CHODL: variants seen among roughly 807,000 people sequenced by gnomAD.
CHODL encodes the protein transmembrane protein MT75.
A neutral mutation model predicts 34.5 loss-of-function variants in CHODL; 29 were observed. That is an observed-to-expected ratio of 0.84 (90% CI 0.63 to 1.15). CHODL has a LOEUF of 1.15. Among genes scored for constraint, CHODL ranks in the 50% most tolerant of loss-of-function variants. CHODL has a pLI of 0.00. For synonymous variants in CHODL, 125 were observed against 116.1 expected, an observed-to-expected ratio of 1.08 and a Z score of -0.49; for missense variants, 332 against 332.5, an observed-to-expected ratio of 1.00 and a Z score of 0.01.
intron 2 of CHODL, among the ~76,000 whole-genome samples, chr21:18,183,923 T>C (rs1354226957): frequency 6.6e-6 from 1 of 152,184 alleles, no homozygotes; most frequent in East Asian, 1.9e-4. Flanking sequence ...GTCTGATTGT[T>C]TTTTAGCCTG....
At chr21:18,038,043 AT>A (rs150132427) in intron 2 of CHODL, among the ~76,000 whole-genome samples, 17 of 151,544 alleles carry the variant, frequency 1.1e-4, no homozygotes, top group African/African-American at 1.9e-4. Context: ...CAGCTTTACA[AT>A]TTTTTTTAAT....
At chr21:18,110,577 C>CA (rs1291575357) in intron 2 of CHODL, among the ~76,000 whole-genome samples, 1 of 62,456 alleles carries the variant, frequency 1.6e-5, no homozygotes. Flanking sequence ...CCTGCCAACA[C>CA]CTACAGCTGA....
At chr21:18,021,225 G>C (rs1213720805) in intron 1 of CHODL, among the ~76,000 whole-genome samples, 1 of 152,172 alleles carries the variant, frequency 6.6e-6, no homozygotes, top group Non-Finnish European at 1.5e-5. Flanking sequence ...TCAGCCACAG[G>C]AGGAAGTTCC....
At chr21:18,237,892 A>G (rs575296530) in intron 2 of CHODL, among the ~76,000 whole-genome samples, 35 of 152,264 alleles carry the variant, frequency 2.3e-4, no homozygotes, top group African/African-American at 8.2e-4. Context: ...CTTACAACCT[A>G]GTAGAGATGG....
At chr21:18,183,858 GT>G (rs1249122542) in intron 2 of CHODL, among the ~76,000 whole-genome samples, 1 of 152,152 alleles carries the variant, frequency 6.6e-6, no homozygotes, top group Non-Finnish European at 1.5e-5. Context: ...GTGGTGATCT[GT>G]ATCATTTGAA....
chr21:18,185,045 T>G (rs1025292190), intron 2 of CHODL, among the ~76,000 whole-genome samples: 1 of 152,156 alleles, frequency 6.6e-6, no homozygotes. Flanking sequence ...TTTTTATACT[T>G]TAGGTTCTGG....
intron 2 of CHODL, among the ~76,000 whole-genome samples, chr21:18,079,296 CAT>C (rs943408554): frequency 5.7e-4 from 87 of 151,314 alleles, no homozygotes; most frequent in African/African-American, 1.7e-3. Flanking sequence ...TGCAAAAACA[CAT>C]GATTTTATTT....
intron 2 of CHODL, among the ~76,000 whole-genome samples, chr21:18,139,212 G>T (rs748581763): frequency 6.6e-5 from 10 of 151,840 alleles, no homozygotes; most frequent in Non-Finnish European, 1.3e-4. Context: ...AGTGTAGGTA[G>T]AAATTTTTAC....
chr21:18,028,277 C>CTTCCGT, intron 2 of CHODL, among the ~76,000 whole-genome samples: 1 of 98,998 alleles, frequency 1.0e-5, no homozygotes, highest in East Asian at 3.3e-4. Flanking sequence ...TTTCCTTTTC[C>CTTCCGT]CCTTCCTTCC....
At chr21:18,139,343 T>C (rs2072774519) in intron 2 of CHODL, among the ~76,000 whole-genome samples, 1 of 152,044 alleles carries the variant, frequency 6.6e-6, no homozygotes, top group Non-Finnish European at 1.5e-5. Flanking sequence ...AAAATTGACC[T>C]CATGTTTTGA....
In CHODL at chr21:18,228,167, A is replaced by G. The variant is rs539804009; in HGVS notation, c.-44-28342A>G. Among the ~76,000 whole-genome samples, 10 of 152,266 alleles carry G rather than the reference A, an allele frequency of 6.6e-5. 1 individual carries two copies. In the South Asian group the frequency reaches 1.9e-3, roughly 28 times the overall value. The stretch of plus-strand genomic sequence containing the variant: ...CAATATTTCACACTAAAAATTAATT[A>G]ATTTGATAGCTTACTCATTGCTGCC... On this transcript the variant is annotated intron_variant, in intron 2 of 6. Transcript: ENST00000400127.
At chr21:18,165,407 A>G (rs1006706099) in intron 2 of CHODL, among the ~76,000 whole-genome samples, 7 of 152,208 alleles carry the variant, frequency 4.6e-5, no homozygotes, top group African/African-American at 7.2e-5. Context: ...TTCCTTTGAC[A>G]TTTATTATAC....
At chr21:18,238,219 G>A (rs1054367926) in intron 2 of CHODL, among the ~76,000 whole-genome samples, 9 of 152,062 alleles carry the variant, frequency 5.9e-5, no homozygotes, top group African/African-American at 2.2e-4. Context: ...AATAAGCCAT[G>A]TAAACTGATG....
At chr21:18,241,368 A>G (rs2074080479), upstream of CHODL, among the ~76,000 whole-genome samples, 1 of 152,246 alleles carries the variant, frequency 6.6e-6, no homozygotes, top group South Asian at 2.1e-4. Context: ...TGCTCAGGAG[A>G]ATCATTAACT....
chr21:18,013,904 G>A (rs892315056), intron 1 of CHODL, among the ~76,000 whole-genome samples: 4 of 151,860 alleles, frequency 2.6e-5, no homozygotes, highest in Non-Finnish European at 5.9e-5. Context: ...CAAAGTGCTG[G>A]GATTACCGGC....
At chr21:17,950,627 A>G (rs1483680416) in intron 1 of CHODL, among the ~76,000 whole-genome samples, 1 of 152,082 alleles carries the variant, frequency 6.6e-6, no homozygotes, top group Non-Finnish European at 1.5e-5. Flanking sequence ...GTCAGGTAGA[A>G]CTAGAGGATA....
intron 2 of CHODL, among the ~76,000 whole-genome samples, chr21:18,101,196 GCT>G (rs1047926377): frequency 3.9e-5 from 6 of 152,084 alleles, no homozygotes; most frequent in Non-Finnish European, 5.9e-5. Flanking sequence ...CTCTGCACTA[GCT>G]CTCTTTTTGC....
chr21:17,945,226 T>A (rs370415836), intron 1 of CHODL, among the ~76,000 whole-genome samples: 1 of 97,772 alleles, frequency 1.0e-5, no homozygotes, highest in African/African-American at 3.7e-5. Context: ...AAAAAAAAAA[T>A]TACTAAAGCT....
chr21:18,044,668 C>T lies in CHODL; in HGVS notation c.-45+16697C>T, dbSNP rs1055839359. On this transcript the variant is annotated intron_variant, in intron 2 of 6. Transcript: ENST00000400127. ...GAAATACCTTTTTTTTCCTTTAGAT[C>T]GATTACAATATAGTTGATTATATAC... is the stretch of plus-strand genomic sequence containing the variant. Among the ~76,000 whole-genome samples the T allele has an allele frequency of 2.6e-5, 4 of 151,714 alleles. No homozygotes were observed. The South Asian group carries it at 6.2e-4, about 24-fold the overall frequency.
Sources: allele counts gnomAD v4.1 joint callset (sites outside exome capture counted in the v4.1 genomes callset), GRCh38; gene constraint gnomAD v4.1.1; transcripts MANE v1.5; gene names NCBI Gene and HGNC (gene_info 2026-07-23, HGNC 2026-07-21).